Variants in CLDN10 observed in about 807,000 individuals in gnomAD.
CLDN10 encodes claudin 10.
CLDN10 carries 15 observed loss-of-function variants against 22.9 expected under a neutral mutation model. The ratio of observed to expected loss-of-function variants is 0.65; its 90% CI spans 0.44 to 1.01. CLDN10 has a LOEUF of 1.01. Among genes scored for constraint, CLDN10 ranks in the 50% least tolerant of loss-of-function variants. The pLI, the probability that CLDN10 is intolerant of heterozygous loss-of-function variation, is 0.00. For synonymous variants in CLDN10, 114 were observed against 111.4 expected (o/e 1.02, Z -0.15); for missense variants, 247 against 287.8 (o/e 0.86, Z 1.03).
intron 1 of CLDN10, among the ~76,000 whole-genome samples, chr13:95,539,745 G>C (rs533602095): frequency 3.3e-5 from 5 of 152,264 alleles, no homozygotes; most frequent in African/African-American, 1.2e-4. Flanking sequence ...AATGAAGAAG[G>C]CACTCATTAT....
chr13:95,525,347 G>T, intron 1 of CLDN10, among the ~76,000 whole-genome samples: 1 of 151,852 alleles, frequency 6.6e-6, no homozygotes, highest in Admixed American at 6.6e-5. Context: ...GGGTTATTTG[G>T]GTTTTTATTA....
intron 3 of CLDN10, among the ~76,000 whole-genome samples, chr13:95,571,120 AATAC>A (rs1354409514): frequency 1.3e-5 from 2 of 152,000 alleles, no homozygotes; most frequent in African/African-American, 4.8e-5. Context: ...CATTTTAGAA[AATAC>A]AAAGAAAACG....
chr13:95,483,092 GC>G (rs1246459770), intron 1 of CLDN10, among the ~76,000 whole-genome samples: 3 of 152,374 alleles, frequency 2.0e-5, no homozygotes, highest in East Asian at 3.9e-4. Context: ...AAGTGACGCT[GC>G]CCGTCCTCAG....
At chr13:95,534,507 A>G (rs373594121) in intron 1 of CLDN10, among the ~76,000 whole-genome samples, 1 of 152,262 alleles carries the variant, frequency 6.6e-6, no homozygotes, top group East Asian at 1.9e-4. Flanking sequence ...TTACATTTTT[A>G]AAAATAACTT....
intron 1 of CLDN10, among the ~76,000 whole-genome samples, chr13:95,442,339 G>A (rs578100626): frequency 1.3e-5 from 2 of 152,218 alleles, no homozygotes; most frequent in Non-Finnish European, 2.9e-5. Context: ...GACTGCAGTA[G>A]CTGCCTCTTA....
intron 1 of CLDN10, among the ~76,000 whole-genome samples, chr13:95,495,760 A>AAAAAAAAAAG (rs1162651391): frequency 1.5e-5 from 2 of 129,360 alleles, no homozygotes; most frequent in African/African-American, 2.6e-5. Flanking sequence ...AAAAAAAAAG[A>AAAAAAAAAAG]AAAGAAAGAA....
chr13:95,480,631 T>C (rs772490145), intron 1 of CLDN10, among the ~76,000 whole-genome samples: 1 of 152,158 alleles, frequency 6.6e-6, no homozygotes. Flanking sequence ...ACTGGGAAAC[T>C]TGTTAGAATG....
At chr13:95,541,243 G>A (rs949101331) in intron 1 of CLDN10, among the ~76,000 whole-genome samples, 1 of 152,224 alleles carries the variant, frequency 6.6e-6, no homozygotes, top group African/African-American at 2.4e-5. Flanking sequence ...GAGGCAGGGA[G>A]GAATTCAGAA....
chr13:95,497,413 GA>G (rs992492747), intron 1 of CLDN10, among the ~76,000 whole-genome samples: 94 of 152,270 alleles, frequency 6.2e-4, no homozygotes, highest in African/African-American at 2.1e-3. Context: ...GCTTAAGGAA[GA>G]AGGGGCCACT....
At chr13:95,538,631 G>A (rs1008894359) in intron 1 of CLDN10, among the ~76,000 whole-genome samples, 2 of 152,154 alleles carry the variant, frequency 1.3e-5, no homozygotes, top group Non-Finnish European at 2.9e-5. Flanking sequence ...ATCTTGGCCA[G>A]CTTCCTCCTT....
At chr13:95,569,228 C>G (rs536010216) in intron 3 of CLDN10, among the ~76,000 whole-genome samples, 3 of 152,038 alleles carry the variant, frequency 2.0e-5, no homozygotes, top group Non-Finnish European at 4.4e-5. Context: ...GTAGAAGAGA[C>G]AATTGTTTTA....
intron 3 of CLDN10, among the ~76,000 whole-genome samples, chr13:95,571,494 C>T (rs1437702032): frequency 6.6e-6 from 1 of 152,140 alleles, no homozygotes; most frequent in Non-Finnish European, 1.5e-5. Context: ...CCTTTGGCAT[C>T]TGCCAGGCAG....
At chr13:95,464,651 G>T (rs1486552238) in intron 1 of CLDN10, among the ~76,000 whole-genome samples, 1 of 152,112 alleles carries the variant, frequency 6.6e-6, no homozygotes, top group Non-Finnish European at 1.5e-5. Context: ...GATTTTTATG[G>T]TCTTGGATGT....
At chr13:95,502,385 T>C (rs2042994947) in intron 1 of CLDN10, among the ~76,000 whole-genome samples, 1 of 152,120 alleles carries the variant, frequency 6.6e-6, no homozygotes, top group Admixed American at 6.6e-5. Flanking sequence ...CCTCAGGGAG[T>C]GGTTGTACAA....
chr13:95,491,076 C>T (rs145012840), intron 1 of CLDN10, among the ~76,000 whole-genome samples: 5 of 152,244 alleles, frequency 3.3e-5, no homozygotes, highest in Admixed American at 6.5e-5. Flanking sequence ...AATAACTACC[C>T]CTGCTCGCTT....
chr13:95,536,531 T>A (rs140050621), intron 1 of CLDN10, among the ~76,000 whole-genome samples: 179 of 152,330 alleles, frequency 1.2e-3, no homozygotes, highest in African/African-American at 3.9e-3. Flanking sequence ...GAAGATGAGC[T>A]TTGGCTACTG....
At chr13:95,532,180 A>T (rs978131926) in intron 1 of CLDN10, among the ~76,000 whole-genome samples, 1 of 152,234 alleles carries the variant, frequency 6.6e-6, no homozygotes, top group Non-Finnish European at 1.5e-5. Context: ...CATCATCAAC[A>T]TTTAAAACTT....
At chr13:95,440,725 C>G (rs979256157) in intron 1 of CLDN10, among the ~76,000 whole-genome samples, 1 of 152,228 alleles carries the variant, frequency 6.6e-6, no homozygotes, top group Admixed American at 6.5e-5. Flanking sequence ...TGTACTGACA[C>G]AGTCATAACC....
At position 95,532,976 on chromosome 13, in the gene CLDN10, G is replaced by A. The variant is rs74547406; in HGVS notation, c.215-27156G>A. Among the ~76,000 whole-genome samples, 1,086 of 152,056 alleles carry A rather than the reference G, an allele frequency of 7.1e-3. 40 individuals are homozygous for A. Among genetic ancestry groups the A allele is most frequent in the Admixed American group, 0.052 (789 of 15,268 alleles). On this transcript the variant is annotated intron_variant, in intron 1 of 4. Transcript: ENST00000376873. The stretch of plus-strand genomic sequence containing the variant: ...GGAAAACACAAGAAAAACGGGGGGA[G>A]TGGGATCGACTGGGAAGGAGTATGA...
Sources: allele counts gnomAD v4.1 joint callset (sites outside exome capture counted in the v4.1 genomes callset), GRCh38; gene constraint gnomAD v4.1.1; transcripts MANE v1.5; gene names NCBI Gene and HGNC (gene_info 2026-07-23, HGNC 2026-07-21).